Variants in DGKD observed in about 807,000 individuals in gnomAD.
The protein encoded by DGKD is diacylglycerol kinase delta.
A neutral mutation model predicts 154.4 loss-of-function variants in DGKD; 68 were observed. The observed-to-expected ratio is 0.44, with a 90% confidence interval of 0.36 to 0.54. The LOEUF is 0.54. Among genes scored for constraint, DGKD ranks in the 20% least tolerant of loss-of-function variants. The pLI is 0.00. For missense variants in DGKD, 1,343 were observed against 1,593.6 expected (o/e 0.84, Z 2.68); for synonymous variants, 693 against 638.0 (o/e 1.09, Z -1.30).
Position 233,434,789 on chromosome 2 carries a change from C to T in DGKD, c.474C>T (p.Asp158=). Residue 158 remains aspartate, a synonymous_variant, in exon 5 of 30, where the codon GAC becomes GAT. Coordinates refer to ENST00000264057, the MANE Select transcript of DGKD (RefSeq NM_152879.3). The part of the protein sequence containing the change: ...EHFEPTQYSM[D]HFSGMHNWYA... ...TCCAGCCCACCCAGTACAGCATGGA[C>T]CACTTCTCAGGGATGCACAATTGGT... The T allele has an allele frequency of 6.2e-7, 1 of 1,614,094 alleles. No homozygotes were observed. Among genetic ancestry groups the T allele is most frequent in the Non-Finnish European group, 8.5e-7 (1 of 1,179,972 alleles).
At chr2:233,370,567 C>CTTTTTTT (rs201017453) in intron 1 of DGKD, among the ~76,000 whole-genome samples, 21 of 114,366 alleles carry the variant, frequency 1.8e-4, no homozygotes, top group African/African-American at 4.3e-4. Flanking sequence ...TTCAGAACTT[C>CTTTTTTT]TTCTTTTTTT....
At chr2:233,367,605 G>C (rs1264696034) in intron 1 of DGKD, among the ~76,000 whole-genome samples, 3 of 152,038 alleles carry the variant, frequency 2.0e-5, no homozygotes, top group Non-Finnish European at 4.4e-5. Context: ...TTTTCTGATT[G>C]TTTTCCCATC....
intron 1 of DGKD, among the ~76,000 whole-genome samples, chr2:233,356,311 G>A (rs921350078): frequency 3.9e-5 from 6 of 152,202 alleles, no homozygotes; most frequent in Admixed American, 3.3e-4. Flanking sequence ...GCTGAATTTC[G>A]AAGGGGTGGT....
chr2:233,376,805 C>T (rs1431010440), intron 1 of DGKD, among the ~76,000 whole-genome samples: 2 of 152,106 alleles, frequency 1.3e-5, no homozygotes. Context: ...AAAGTGCTTA[C>T]ACCTGAGCCT....
intron 5 of DGKD, 34 bp from the exon 6 acceptor site, chr2:233,435,784 C>G: frequency 6.3e-7 from 1 of 1,590,938 alleles, no homozygotes; most frequent in Non-Finnish European, 8.6e-7. Context: ...GGCACAGACA[C>G]AGCTTGTAGG....
At chr2:233,359,124 T>C (rs909718500) in intron 1 of DGKD, among the ~76,000 whole-genome samples, 1 of 152,234 alleles carries the variant, frequency 6.6e-6, no homozygotes, top group Non-Finnish European at 1.5e-5. Context: ...GCCATTTTAT[T>C]GTCGGATTTC....
At chr2:233,444,161 C>T (rs1025179965) in intron 10 of DGKD, among the ~76,000 whole-genome samples, 10 of 152,144 alleles carry the variant, frequency 6.6e-5, no homozygotes, top group East Asian at 1.9e-4. Flanking sequence ...CACTACACCA[C>T]GTTCAGCCCC....
intron 19 of DGKD, among the ~76,000 whole-genome samples, chr2:233,455,203 G>T (rs575970846): frequency 5.9e-5 from 9 of 152,304 alleles, no homozygotes; most frequent in African/African-American, 1.9e-4. Context: ...TGCACCTATT[G>T]CGTAAGTGCC....
rs915738818 is a variant in DGKD at position 233,464,279 on chromosome 2, A to G, written c.3302A>G (p.Glu1101Gly). Residue 1101 changes from glutamate to glycine, a missense_variant, in exon 27 of 30, where the codon GAA becomes GGA. Transcript: ENST00000264057. ...WLCQSAEPGD[E>G]ESVMLDLAKR... ...TGCCAGTCCGCAGAGCCCGGCGACG[A>G]AGAGGTATGTGGCTCATAGGGCTGT... is the stretch of plus-strand genomic sequence containing the variant. 2 of 1,613,552 alleles carry G rather than the reference A, an allele frequency of 1.2e-6. No homozygotes were observed. The highest frequency in any genetic ancestry group is 1.7e-6 in the Non-Finnish European group (2 of 1,179,990).
chr2:233,402,842 A>G (rs1038262753), intron 3 of DGKD, among the ~76,000 whole-genome samples: 2 of 152,256 alleles, frequency 1.3e-5, no homozygotes, highest in African/African-American at 2.4e-5. Context: ...TATTTGAACT[A>G]TCCTGTATCA....
rs537597890 is a variant in DGKD, at chr2:233,398,944, C to G, written c.348+8461C>G. On this transcript the variant is annotated intron_variant, in intron 3 of 29. Coordinates refer to ENST00000264057, the MANE Select transcript of DGKD (RefSeq NM_152879.3). ...CAGTTTTATCATCTTCCCTTAGCAGCCTAGAGCTGTGGAACACTACAAGAC... is the reference window on the plus strand; with the variant it reads ...CAGTTTTATCATCTTCCCTTAGCAGGCTAGAGCTGTGGAACACTACAAGAC... Among the ~76,000 whole-genome samples, 194 of 152,288 alleles carry G rather than the reference C, an allele frequency of 1.3e-3. 1 individual carries two copies. Among genetic ancestry groups the G allele is most frequent in the Non-Finnish European group, 1.9e-3 (127 of 68,026 alleles).
At chr2:233,420,541 A>G (rs969321357) in intron 3 of DGKD, among the ~76,000 whole-genome samples, 2 of 152,154 alleles carry the variant, frequency 1.3e-5, no homozygotes, top group African/African-American at 4.8e-5. Context: ...CTTTTTTGAT[A>G]AGTGTGTGTA....
At chr2:233,381,022 C>A (rs375954035) in intron 1 of DGKD, among the ~76,000 whole-genome samples, 1 of 152,268 alleles carries the variant, frequency 6.6e-6, no homozygotes, top group East Asian at 1.9e-4. Flanking sequence ...GATGACTGTC[C>A]TTTTTCCATG....
chr2:233,448,776 A>G (rs1164914822), intron 14 of DGKD, among the ~76,000 whole-genome samples: 1 of 152,170 alleles, frequency 6.6e-6, no homozygotes, highest in Non-Finnish European at 1.5e-5. Context: ...ACTCCTGTGC[A>G]AACATCTGAT....
rs188857563 is a variant in DGKD, at chr2:233,428,277, C to T, written c.349-6103C>T. 7.2e-5 allele frequency among the ~76,000 whole-genome samples: 11 copies of T among 152,176 alleles called. No individual in the cohort carries two copies. In the South Asian group the frequency reaches 1.0e-3, roughly 14 times the overall value. Reference sequence around the variant, plus strand: ...AAATCTCCTGTGTGCAGCTGGGGACCGACATAGAGAAGGCAGGCCCAGTTG... The same window carrying T: ...AAATCTCCTGTGTGCAGCTGGGGACTGACATAGAGAAGGCAGGCCCAGTTG... On this transcript the variant is annotated intron_variant, in intron 3 of 29. Transcript: ENST00000264057.
intron 1 of DGKD, among the ~76,000 whole-genome samples, chr2:233,380,362 G>A (rs367956810): frequency 1.3e-5 from 2 of 152,202 alleles, no homozygotes; most frequent in African/African-American, 4.8e-5. Context: ...CCAACCCATC[G>A]TTATCAGACA....
chr2:233,401,919 CAAAAAAAAAAAAAAA>C (rs34388122), intron 3 of DGKD, among the ~76,000 whole-genome samples: 31 of 54,802 alleles, frequency 5.7e-4, no homozygotes, highest in African/African-American at 2.4e-3. Flanking sequence ...GACTCTGTCT[CAAAAAAAAAAAAAAA>C]AAAAAAAAAA....
Position 233,443,391 on chromosome 2 carries a change from A to G in DGKD, c.1194+1396A>G, listed in dbSNP as rs112417407. 6.8e-3 allele frequency among the ~76,000 whole-genome samples: 1,035 copies of G among 151,718 alleles called. 15 individuals carry two copies. The highest frequency in any genetic ancestry group is 0.024 in the African/African-American group (990 of 41,310). ...ATGGGTGTGTGAGGATTATTGTTAC[A>G]TTAACTTCTTATCTGTCACTGCAGA... On this transcript the variant is annotated intron_variant, in intron 10 of 29. Transcript: ENST00000264057.
chr2:233,455,763 A>G (rs2063441413), intron 19 of DGKD, among the ~76,000 whole-genome samples: 1 of 152,252 alleles, frequency 6.6e-6, no homozygotes, highest in African/African-American at 2.4e-5. Context: ...GCGGGGAGCC[A>G]TGCTGACACC....
Sources: gnomAD v4.1 joint callset for allele counts (sites outside exome capture counted in the v4.1 genomes callset) on GRCh38, gnomAD v4.1.1 for gene constraint, MANE v1.5 for transcripts, NCBI Gene and HGNC (gene_info 2026-07-23, HGNC 2026-07-21) for gene names.